Variants in DLG2 observed in about 807,000 individuals in gnomAD.
The protein encoded by DLG2 is disks large homolog 2.
A neutral mutation model predicts 132.5 loss-of-function variants in DLG2; 45 were observed. The ratio of observed to expected loss-of-function variants is 0.34; its 90% CI spans 0.27 to 0.44. DLG2 has a LOEUF of 0.44. Among genes scored for constraint, DLG2 ranks in the 20% least tolerant of loss-of-function variants. The probability of loss-of-function intolerance (pLI) is 1.00; values close to 1 mark genes in which losing one functional copy is unlikely to be tolerated. For synonymous variants in DLG2, 424 were observed against 419.6 expected (o/e 1.01, Z -0.13); for missense variants, 1,045 against 1,196.9 (o/e 0.87, Z 1.87).
chr11:84,302,055 G>A (rs2098161786), intron 7 of DLG2, among the ~76,000 whole-genome samples: 1 of 152,104 alleles, frequency 6.6e-6, no homozygotes, highest in Non-Finnish European at 1.5e-5. Flanking sequence ...GCAGGGACAT[G>A]GATGAAGCTG....
At chr11:83,789,634 G>T (rs1381138552) in intron 17 of DLG2, among the ~76,000 whole-genome samples, 1 of 151,174 alleles carries the variant, frequency 6.6e-6, no homozygotes, top group African/African-American at 2.4e-5. Flanking sequence ...TGCAGCCTCC[G>T]CCTCCTGGGT....
chr11:85,219,676 CT>C (rs1033712562), intron 4 of DLG2, among the ~76,000 whole-genome samples: 1 of 149,742 alleles, frequency 6.7e-6, no homozygotes, highest in African/African-American at 2.5e-5. Context: ...AAATTCCCAT[CT>C]CCTTATAAAT....
chr11:83,968,799 ACTT>A (rs1367836446), intron 12 of DLG2, among the ~76,000 whole-genome samples: 14 of 152,156 alleles, frequency 9.2e-5, no homozygotes, highest in Non-Finnish European at 1.8e-4. Context: ...CAGCTATACT[ACTT>A]CTTCCAGATA....
At chr11:83,822,089 C>G (rs916675676) in intron 17 of DLG2, among the ~76,000 whole-genome samples, 1 of 152,134 alleles carries the variant, frequency 6.6e-6, no homozygotes, top group Admixed American at 6.5e-5. Context: ...TGAAGCTGGG[C>G]AGACCTAGAG....
At chr11:85,305,619 T>A (rs2079888348) in intron 3 of DLG2, among the ~76,000 whole-genome samples, 1 of 152,130 alleles carries the variant, frequency 6.6e-6, no homozygotes, top group African/African-American at 2.4e-5. Flanking sequence ...TTTACTCCAT[T>A]CTCCTGCCTC....
At chr11:83,512,858 G>A (rs370325586) in intron 21 of DLG2, among the ~76,000 whole-genome samples, 2 of 152,142 alleles carry the variant, frequency 1.3e-5, no homozygotes, top group East Asian at 1.9e-4. Flanking sequence ...CAAAGGACAT[G>A]AACTCATCAT....
chr11:85,464,829 C>T (rs995868618), intron 3 of DLG2, among the ~76,000 whole-genome samples: 1 of 151,668 alleles, frequency 6.6e-6, no homozygotes, highest in East Asian at 1.9e-4. Flanking sequence ...AATTCCAGCA[C>T]TTTGGGAGGC....
chr11:84,374,834 T>C (rs557288542), intron 7 of DLG2, among the ~76,000 whole-genome samples: 1 of 152,250 alleles, frequency 6.6e-6, no homozygotes, highest in South Asian at 2.1e-4. Context: ...CTCATGACAC[T>C]TAGTCTTTCC....
chr11:84,735,431 G>A (rs1436775691), intron 6 of DLG2, among the ~76,000 whole-genome samples: 1 of 152,124 alleles, frequency 6.6e-6, no homozygotes, highest in Non-Finnish European at 1.5e-5. Flanking sequence ...ACGTAGAGGT[G>A]TTTATAGTAT....
chr11:85,409,237 A>G (rs143190983), intron 3 of DLG2, among the ~76,000 whole-genome samples: 6 of 152,042 alleles, frequency 3.9e-5, no homozygotes, highest in African/African-American at 1.4e-4. Context: ...CCCAGGTCAC[A>G]TAGCCAGAGA....
At chr11:84,963,252 A>C (rs2052845840) in intron 6 of DLG2, among the ~76,000 whole-genome samples, 1 of 152,228 alleles carries the variant, frequency 6.6e-6, no homozygotes, top group African/African-American at 2.4e-5. Context: ...CTATTATTGG[A>C]AACTTCTAAC....
At chr11:83,886,264 C>T (rs191746121) in intron 15 of DLG2, among the ~76,000 whole-genome samples, 71 of 152,118 alleles carry the variant, frequency 4.7e-4, no homozygotes, top group Middle Eastern at 3.4e-3. Context: ...ATCTACCAAG[C>T]AAATGGGAAA....
intron 2 of DLG2, among the ~76,000 whole-genome samples, chr11:85,622,736 T>C (rs57309067): frequency 0.058 from 8,780 of 151,902 alleles, 819 homozygotes; most frequent in African/African-American, 0.2. Context: ...GTTTCAAGGG[T>C]GCCTATGAGA....
intron 21 of DLG2, among the ~76,000 whole-genome samples, chr11:83,491,962 C>T (rs563596524): frequency 5.5e-4 from 83 of 152,160 alleles, no homozygotes; most frequent in African/African-American, 1.9e-3. Flanking sequence ...ACCAATCCAG[C>T]CCACTATGTG....
intron 6 of DLG2, chr11:85,020,781 G>C (rs760906152): frequency 1.4e-6 from 1 of 710,400 alleles, no homozygotes; most frequent in East Asian, 2.8e-5. Context: ...GTGCTTCAAA[G>C]TCATCCTCTC....
At chr11:83,872,001 C>T (rs2063539060) in intron 16 of DLG2, among the ~76,000 whole-genome samples, 1 of 152,054 alleles carries the variant, frequency 6.6e-6, no homozygotes, top group Non-Finnish European at 1.5e-5. Context: ...CATAGTGGCT[C>T]ACACCTGTAA....
chr11:83,933,836 A>AG (rs2080881302), intron 14 of DLG2, among the ~76,000 whole-genome samples: 1 of 152,228 alleles, frequency 6.6e-6, no homozygotes, highest in Non-Finnish European at 1.5e-5. Flanking sequence ...AAAGAAAGAG[A>AG]GAAAAAAAAG....
At chr11:83,488,895 A>AAAAG (rs2093679311) in intron 21 of DLG2, among the ~76,000 whole-genome samples, 1 of 152,080 alleles carries the variant, frequency 6.6e-6, no homozygotes, top group African/African-American at 2.4e-5. Flanking sequence ...CAAGTGAGGT[A>AAAAG]AAAGAACAAG....
chr11:83,967,831 T>C (rs1004521820), intron 12 of DLG2, among the ~76,000 whole-genome samples: 7 of 152,160 alleles, frequency 4.6e-5, no homozygotes, highest in African/African-American at 1.7e-4. Context: ...TATGTTCTTT[T>C]CTAGAAATTT....
Sources: allele counts gnomAD v4.1 joint callset (sites outside exome capture counted in the v4.1 genomes callset), GRCh38; gene constraint gnomAD v4.1.1; transcripts MANE v1.5; gene names NCBI Gene and HGNC (gene_info 2026-07-23, HGNC 2026-07-21).